Variants in TSPAN15 observed in about 807,000 individuals in gnomAD.
The protein encoded by TSPAN15 is tetraspanin 15, also known as tetraspanin-15.
In TSPAN15, 20 loss-of-function variants were observed where a neutral mutation model predicts 34.5. The observed-to-expected ratio is 0.58, with a 90% CI of 0.41 to 0.84. TSPAN15 has a LOEUF of 0.84. Among genes scored for constraint, TSPAN15 ranks in the 40% least tolerant of loss-of-function variants. The pLI is 0.00. For missense variants in TSPAN15, 313 were observed against 386.1 expected (o/e 0.81, Z 1.59); for synonymous variants, 155 against 153.9 (o/e 1.01, Z -0.05).
chr10:69,476,581 A>AG (rs1564605206), intron 1 of TSPAN15, among the ~76,000 whole-genome samples: 1 of 151,170 alleles, frequency 6.6e-6, no homozygotes, highest in African/African-American at 2.4e-5. Flanking sequence ...AAAAAAAAAA[A>AG]GTAACAAAAG....
At chr10:69,484,766 C>T (rs910563948) in intron 2 of TSPAN15, among the ~76,000 whole-genome samples, 4 of 152,162 alleles carry the variant, frequency 2.6e-5, no homozygotes, top group African/African-American at 7.2e-5. Flanking sequence ...GGGAGCTGGA[C>T]ATACTGCCCC....
At chr10:69,488,805 T>A (rs961059209) in intron 3 of TSPAN15, among the ~76,000 whole-genome samples, 3 of 151,838 alleles carry the variant, frequency 2.0e-5, no homozygotes, top group Non-Finnish European at 4.4e-5. Flanking sequence ...AAGGGAAAAA[T>A]CAGAAACTCC....
the TSPAN15 span, among the ~76,000 whole-genome samples, chr10:69,519,743 A>AT: frequency 0.17 from 25,823 of 149,660 alleles, 2,710 homozygotes; most frequent in South Asian, 0.27. Flanking sequence ...CATTGTAACC[A>AT]TTTTTTTTTT....
the TSPAN15 span, among the ~76,000 whole-genome samples, chr10:69,542,296 T>A: frequency 1.3e-5 from 2 of 152,194 alleles, no homozygotes; most frequent in African/African-American, 4.8e-5. Context: ...TATCAGCATT[T>A]TGGTCAAAGC....
chr10:69,488,688 A>G (rs1417814025), intron 3 of TSPAN15, among the ~76,000 whole-genome samples: 1 of 152,180 alleles, frequency 6.6e-6, no homozygotes, highest in East Asian at 1.9e-4. Context: ...AAAGCCAGCA[A>G]GTTTTATTAA....
intron 1 of TSPAN15, among the ~76,000 whole-genome samples, chr10:69,471,101 C>T (rs895267497): frequency 6.6e-6 from 1 of 152,200 alleles, no homozygotes; most frequent in African/African-American, 2.4e-5. Context: ...ATAACCATAG[C>T]ACAGTATATG....
Position 69,506,934 on chromosome 10 carries a change from G to C in TSPAN15, c.841G>C (p.Val281Leu). 1 of 1,610,128 alleles carries C rather than the reference G, an allele frequency of 6.2e-7. No homozygotes were observed. The highest frequency in any genetic ancestry group is 1.7e-4 in the Middle Eastern group (1 of 6,054). Residue 281 changes from valine (V) to leucine (L), a missense_variant, in exon 8 of 8, where the codon GTG (valine) becomes CTG (leucine). Val to Leu is a conservative substitution (Grantham distance 32, BLOSUM62 1). Transcript: ENST00000373290. The surrounding 1 kb of genome is among the most constrained non-coding windows in gnomAD (Gnocchi z 4.7). ...GLLGPGAKPS[V>L]EAAGTGCCLC... ...CCTGGGGCCCGGTGCCAAGCCCAGCGTGGAGGCGGCAGGCACGGGATGCTG... is the reference window on the plus strand; with the variant it reads ...CCTGGGGCCCGGTGCCAAGCCCAGCCTGGAGGCGGCAGGCACGGGATGCTG...
At chr10:69,512,865 G>T in the TSPAN15 span, among the ~76,000 whole-genome samples, 1 of 152,116 alleles carries the variant, frequency 6.6e-6, no homozygotes, top group East Asian at 1.9e-4. Flanking sequence ...CCAGTTTTTT[G>T]TTGTTGTTAC....
At chr10:69,499,673 CAAAAT>C (rs1298683365) in intron 5 of TSPAN15, among the ~76,000 whole-genome samples, 1 of 152,048 alleles carries the variant, frequency 6.6e-6, no homozygotes, top group African/African-American at 2.4e-5. Context: ...AACTGACAAA[CAAAAT>C]AAGTAAAAGA....
At chr10:69,524,851 A>T in the TSPAN15 span, among the ~76,000 whole-genome samples, 1 of 144,952 alleles carries the variant, frequency 6.9e-6, no homozygotes. Context: ...TGCAATCTCC[A>T]CTCACAGCAA....
At chr10:69,489,430 T>C (rs1841923183) in intron 3 of TSPAN15, among the ~76,000 whole-genome samples, 1 of 152,214 alleles carries the variant, frequency 6.6e-6, no homozygotes. Context: ...CTTACGAAGA[T>C]AACAGGATTA....
rs367641344 is a variant in TSPAN15 at position 69,469,640 on chromosome 10, C to T, written c.97-14051C>T. Reference sequence around the variant, plus strand: ...GGTGCAAAAGTAATTGCAGTTTTTGCCATTACTTTTAATAATAATATTTTT... The same window carrying T: ...GGTGCAAAAGTAATTGCAGTTTTTGTCATTACTTTTAATAATAATATTTTT... On this transcript the variant is annotated intron_variant, in intron 1 of 7. Coordinates refer to ENST00000373290, the MANE Select transcript of TSPAN15 (RefSeq NM_012339.5). Among the ~76,000 whole-genome samples the T allele has an allele frequency of 9.9e-5, 15 of 152,150 alleles. No individual in the cohort carries two copies. The East Asian group carries it at 2.9e-3, about 29-fold the overall frequency.
chr10:69,498,354 C>T lies in TSPAN15; in HGVS notation c.528C>T (p.Pro176=). The T allele has an allele frequency of 1.2e-6, 2 of 1,613,974 alleles. No homozygotes were observed. Among genetic ancestry groups the T allele is most frequent in the South Asian group, 2.2e-5 (2 of 91,056 alleles). The part of the protein sequence containing the change: ...NQYHDCSAPG[P]LACGVPYTCC... The stretch of plus-strand genomic sequence containing the variant: ...ACCACGACTGCAGTGCCCCTGGACC[C>T]CTGGCCTGTGGGGTGCCCTACACCT... Residue 176 remains proline (P), a synonymous_variant, in exon 5 of 8, where the codon CCC becomes CCT. Transcript: ENST00000373290.
intron 3 of TSPAN15, among the ~76,000 whole-genome samples, chr10:69,489,741 G>A (rs57103176): frequency 0.016 from 2,487 of 152,334 alleles, 67 homozygotes; most frequent in African/African-American, 0.057. Context: ...CCTGACAGTC[G>A]GACTGGTGCC....
Position 69,506,662 on chromosome 10 carries a change from T to G in TSPAN15, c.736-167T>G. ...GAGAGGGGGCCCAGGTGGGAGCTTCTTGGGCAGTGTGGGTGCTGGGAGAAG... is the reference window on the plus strand; with the variant it reads ...GAGAGGGGGCCCAGGTGGGAGCTTCGTGGGCAGTGTGGGTGCTGGGAGAAG... On this transcript the variant is annotated intron_variant, in intron 7 of 7. Transcript: ENST00000373290. This position sits in a 1 kb window ranked among gnomAD's most constrained non-coding sequence, Gnocchi z 4.7. Among the ~76,000 whole-genome samples the G allele has an allele frequency of 6.6e-6, 1 of 152,182 alleles. No individual in the cohort carries two copies. The highest frequency in any genetic ancestry group is 2.4e-5 in the African/African-American group (1 of 41,444).
intron 1 of TSPAN15, among the ~76,000 whole-genome samples, chr10:69,455,902 C>T (rs556596286): frequency 1.5e-4 from 23 of 152,084 alleles, no homozygotes; most frequent in African/African-American, 5.3e-4. Flanking sequence ...GGCAGATACC[C>T]CTCAAACCCT....
At chr10:69,521,596 T>C in the TSPAN15 span, among the ~76,000 whole-genome samples, 1 of 147,178 alleles carries the variant, frequency 6.8e-6, no homozygotes, top group East Asian at 2.5e-4. Context: ...AATAAATAAA[T>C]ATATAAAATA....
At chr10:69,471,924 TA>T (rs1420695886) in intron 1 of TSPAN15, among the ~76,000 whole-genome samples, 3 of 152,180 alleles carry the variant, frequency 2.0e-5, no homozygotes, top group African/African-American at 7.2e-5. Flanking sequence ...GGCTAATAAA[TA>T]TTTAAAATAA....
At chr10:69,515,636 G>C in the TSPAN15 span, among the ~76,000 whole-genome samples, 2 of 152,196 alleles carry the variant, frequency 1.3e-5, no homozygotes, top group Non-Finnish European at 2.9e-5. Flanking sequence ...CCACCTTCCT[G>C]GGGCCTGAGA....
Sources: gnomAD v4.1 joint callset for allele counts (sites outside exome capture counted in the v4.1 genomes callset) on GRCh38, gnomAD v4.1.1 for gene constraint, Gnocchi (gnomAD v3.1) non-coding constraint, MANE v1.5 for transcripts, NCBI Gene and HGNC (gene_info 2026-07-23, HGNC 2026-07-21) for gene names.